Variants in ZNF331 observed in about 807,000 individuals in gnomAD.
ZNF331 encodes the protein C2H2-like zinc finger protein rearranged in thyroid adenomas.
ZNF331 carries 2 observed loss-of-function variants against 7.0 expected under a neutral mutation model. The ratio of observed to expected loss-of-function variants is 0.29; its 90% confidence interval spans 0.12 to 0.90. ZNF331 has a LOEUF of 0.90. Among genes scored for constraint, ZNF331 ranks in the 40% least tolerant of loss-of-function variants. ZNF331 has a pLI of 0.58. For missense variants in ZNF331, 432 were observed against 587.7 expected, an observed-to-expected ratio of 0.74 and a Z score of 2.74; for synonymous variants, 196 against 205.4, an observed-to-expected ratio of 0.95 and a Z score of 0.39.
chr19:53,541,874 A>C (rs949211344), intron 2 of ZNF331, among the ~76,000 whole-genome samples: 1 of 152,082 alleles, frequency 6.6e-6, no homozygotes, highest in Non-Finnish European at 1.5e-5. Flanking sequence ...TTAGCCAGGC[A>C]TGGTGATGCA....
chr19:53,550,026 A>G (rs1202530458), intron 2 of ZNF331, among the ~76,000 whole-genome samples: 1 of 152,212 alleles, frequency 6.6e-6, no homozygotes, highest in African/African-American at 2.4e-5. Flanking sequence ...TAATATCCAC[A>G]TATTTTTTGA....
the ZNF331 span, among the ~76,000 whole-genome samples, chr19:53,506,251 C>T: frequency 7.4e-5 from 9 of 120,832 alleles, 1 homozygote; most frequent in African/African-American, 1.4e-4. Flanking sequence ...AGGAGAATGG[C>T]GTGAACCCGG....
upstream of ZNF331, among the ~76,000 whole-genome samples, chr19:53,537,090 A>T (rs555581771): frequency 6.6e-6 from 1 of 152,192 alleles, no homozygotes; most frequent in Non-Finnish European, 1.5e-5. Flanking sequence ...TCTAAAGTCT[A>T]TCTAATTAAA....
At chr19:53,529,480 G>T (rs180749385) in intron 2 of ZNF331, among the ~76,000 whole-genome samples, 38 of 152,160 alleles carry the variant, frequency 2.5e-4, no homozygotes, top group Admixed American at 7.2e-4. Context: ...CCTAGTTGTG[G>T]TATTACACTG....
intron 2 of ZNF331, among the ~76,000 whole-genome samples, chr19:53,542,183 A>G (rs971787997): frequency 3.3e-5 from 5 of 152,160 alleles, no homozygotes; most frequent in African/African-American, 1.2e-4. Flanking sequence ...GAGTCGCATT[A>G]CACCTGTGTG....
chr19:53,521,208 GC>G (rs1225234706), exon 1 of ZNF331: 2 of 152,352 alleles, frequency 1.3e-5, no homozygotes, highest in Non-Finnish European at 2.9e-5. Context: ...CCAGGAGGAA[GC>G]CAGGGCAGGG....
At chr19:53,503,288 C>G in the ZNF331 span, 1 of 357,554 alleles carries the variant, frequency 2.8e-6, no homozygotes. Flanking sequence ...CCTACCTCAG[C>G]CCCCACCAAG....
At chr19:53,506,448 C>CTCTCTCTG in the ZNF331 span, among the ~76,000 whole-genome samples, 3 of 44,782 alleles carry the variant, frequency 6.7e-5, no homozygotes, top group African/African-American at 2.1e-4. Flanking sequence ...CTCTCTGTCT[C>CTCTCTCTG]TCTCTCTCTC....
intron 3 of ZNF331, among the ~76,000 whole-genome samples, chr19:53,565,922 GA>G (rs563148859): frequency 9.4e-4 from 143 of 152,228 alleles, no homozygotes; most frequent in African/African-American, 3.1e-3. Context: ...ATTTATATTT[GA>G]TAAGGGAATG....
At chr19:53,561,905 T>C (rs983238071) in intron 3 of ZNF331, among the ~76,000 whole-genome samples, 11 of 152,190 alleles carry the variant, frequency 7.2e-5, no homozygotes, top group African/African-American at 2.6e-4. Context: ...CCCAGCTCTT[T>C]GGGAGGCTGA....
At position 53,560,579 on chromosome 19, in the gene ZNF331, A is replaced by G. The variant is rs2089822765; in HGVS notation, c.-74+4671A>G. ...TATTGGCGTCATACAACACAAATGT[A>G]TTATCTTACTGTCATAGAGGTCAGA... On this transcript the variant is annotated intron_variant, in intron 3 of 5. Transcript: ENST00000449416. This position sits in a 1 kb window ranked among gnomAD's most constrained non-coding sequence, Gnocchi z 4.3. 6.6e-6 allele frequency among the ~76,000 whole-genome samples: 1 copy of G among 152,162 alleles called. No individual in the cohort carries two copies. The highest frequency in any genetic ancestry group is 2.1e-4 in the South Asian group (1 of 4,834).
intron 2 of ZNF331, among the ~76,000 whole-genome samples, chr19:53,552,623 T>C (rs1216897453): frequency 6.6e-6 from 1 of 152,060 alleles, no homozygotes; most frequent in African/African-American, 2.4e-5. Context: ...GTCCCAGCTC[T>C]TGGGAGGCTA....
chr19:53,512,802 C>G, the ZNF331 span: 2 of 149,478 alleles, frequency 1.3e-5, no homozygotes, highest in East Asian at 1.9e-4. Context: ...ACTGTGCATG[C>G]GAAGGATCTG....
chr19:53,577,312 C>T lies in ZNF331; in HGVS notation c.752C>T (p.Thr251Ile), dbSNP rs2090766545. The change falls in exon 6 of 6, where the codon ACC (threonine) becomes ATC (isoleucine). Residue 251 changes from threonine (T) to isoleucine (I), a missense_variant. By Grantham distance (89) the Thr-to-Ile change is moderately conservative (BLOSUM62 -1). Around this residue, in one of 3 missense-constraint regions of ZNF331, gnomAD observed 312 missense variants for 448.6 expected, o/e 0.70. Coordinates refer to ENST00000449416, the MANE Select transcript of ZNF331 (RefSeq NM_001079906.2). Reference sequence around the variant, plus strand: ...TACGAATGCAAAGACTGTGGGAAGACCTTTAGCCGTGTGTATAAACTTATT... The same window carrying T: ...TACGAATGCAAAGACTGTGGGAAGATCTTTAGCCGTGTGTATAAACTTATT... Reference protein sequence around the residue: ...KDYECKDCGKTFSRVYKLIQH... With the variant: ...KDYECKDCGKIFSRVYKLIQH... The T allele has an allele frequency of 1.2e-6, 2 of 1,613,936 alleles. No homozygotes were observed. The highest frequency in any genetic ancestry group is 1.3e-5 in the African/African-American group (1 of 74,954).
Position 53,577,384 on chromosome 19 carries a change from A to G in ZNF331, c.824A>G (p.Asp275Gly). 1 of 1,614,226 alleles carries G rather than the reference A, an allele frequency of 6.2e-7. No individual in the cohort carries two copies. Among genetic ancestry groups the G allele is most frequent in the Non-Finnish European group, 8.5e-7 (1 of 1,180,040 alleles). The change falls in exon 6 of 6, where the codon GAC becomes GGC. Residue 275 changes from aspartate (D) to glycine (G), a missense_variant. Asp to Gly is a moderately conservative substitution (Grantham distance 94, BLOSUM62 -1). Coordinates refer to ENST00000449416, the MANE Select transcript of ZNF331 (RefSeq NM_001079906.2). ...HSGEKPYECK[D>G]CGKAFICGSS... ...GGGGAGAAGCCTTACGAGTGTAAAG[A>G]CTGTGGGAAGGCTTTTATTTGTGGT...
In ZNF331 at chr19:53,576,717, A is replaced by C. The variant is rs1170907191; in HGVS notation, c.157A>C (p.Asn53His). The C allele has an allele frequency of 1.9e-6, 3 of 1,609,170 alleles. No homozygotes were observed. Among genetic ancestry groups the C allele is most frequent in the Non-Finnish European group, 2.5e-6 (3 of 1,178,220 alleles). Reference protein sequence around the residue: ...VSLDLESAYENKSLPTEKNIH... With the variant: ...VSLDLESAYEHKSLPTEKNIH... ...CCCAGATTTGGAGTCAGCATATGAAAATAAGAGTTTACCTACAGAAAAAAA... is the reference window on the plus strand; with the variant it reads ...CCCAGATTTGGAGTCAGCATATGAACATAAGAGTTTACCTACAGAAAAAAA... Residue 53 changes from asparagine to histidine, a missense_variant, in exon 6 of 6, where the codon AAT becomes CAT. Transcript: ENST00000449416.
rs945336917 is a variant in ZNF331 at position 53,577,923 on chromosome 19, C to T, written c.1363C>T (p.Arg455Ter). ...GGCATGTAACCACCTAAACCATCTC[C>T]GAGAACATCAGAGGATCCACAACAG... ...GKACNHLNHLREHQRIHNS is the reference protein window; with the variant it reads ...GKACNHLNHL Residue 455 changes from arginine to a stop codon, truncating the protein, a stop_gained, in exon 6 of 6, where the codon CGA (arginine) becomes TGA (stop). Transcript: ENST00000449416. LOFTEE classifies it low-confidence loss of function (END_TRUNC). 2.4e-5 allele frequency: 38 copies of T among 1,613,138 alleles called. No individual in the cohort carries two copies. Among genetic ancestry groups the T allele is most frequent in the Admixed American group, 6.7e-5 (4 of 59,984 alleles).
upstream of ZNF331, among the ~76,000 whole-genome samples, chr19:53,533,330 A>T (rs918453062): frequency 6.6e-5 from 10 of 152,198 alleles, no homozygotes; most frequent in Non-Finnish European, 1.5e-4. Context: ...TTTCTAGCTT[A>T]ATACCACTGT....
intron 2 of ZNF331, among the ~76,000 whole-genome samples, chr19:53,528,339 A>T (rs2087388021): frequency 6.7e-6 from 1 of 149,510 alleles, no homozygotes; most frequent in Non-Finnish European, 1.5e-5. Context: ...ATTTTAGCAT[A>T]AGAAAACAGC....
Sources: gnomAD v4.1 joint callset for allele counts (sites outside exome capture counted in the v4.1 genomes callset) on GRCh38, gnomAD v4.1.1 for gene constraint, gnomAD v4.1.1 regional missense constraint, Gnocchi (gnomAD v3.1) non-coding constraint, MANE v1.5 for transcripts, NCBI Gene and HGNC (gene_info 2026-07-23, HGNC 2026-07-21) for gene names.